The following LZTS1 variants were observed in gnomAD, a reference collection of about 807,000 sequenced individuals.
The protein encoded by LZTS1 is leucine zipper putative tumor suppressor 1.
Under a neutral mutation model 45.8 loss-of-function variants are expected in LZTS1, and 31 were observed. The ratio of observed to expected loss-of-function variants is 0.68; its 90% CI spans 0.51 to 0.91. LZTS1 has a LOEUF of 0.91. LZTS1 is among the 40% of genes least tolerant of loss of function. The pLI, the probability that LZTS1 is intolerant of heterozygous loss-of-function variation, is 0.00. For synonymous variants in LZTS1, 359 were observed against 357.3 expected (o/e 1.00, Z -0.05); for missense variants, 821 against 788.9 (o/e 1.04, Z -0.49).
At chr8:20,266,064 C>T (rs112971957) in intron 1 of LZTS1, among the ~76,000 whole-genome samples, 10,790 of 151,088 alleles carry the variant, frequency 0.071, 486 homozygotes, top group African/African-American at 0.11. Flanking sequence ...ACTCTCTTGT[C>T]CAGGCTGGAG....
intron 1 of LZTS1, among the ~76,000 whole-genome samples, chr8:20,285,380 A>G (rs1217088638): frequency 1.9e-4 from 29 of 152,200 alleles, no homozygotes; most frequent in Admixed American, 1.9e-3. Context: ...GGGCTTATCC[A>G]TAATCTCATT....
chr8:20,257,966 A>G (rs1266436493), intron 1 of LZTS1, among the ~76,000 whole-genome samples: 1 of 99,794 alleles, frequency 1.0e-5, no homozygotes, highest in South Asian at 4.2e-4. Context: ...GAGCCACCGG[A>G]CTGGGCACAT....
chr8:20,252,285 C>T (rs1252089899), intron 3 of LZTS1, among the ~76,000 whole-genome samples: 1 of 152,190 alleles, frequency 6.6e-6, no homozygotes, highest in Non-Finnish European at 1.5e-5. Flanking sequence ...AGAAGTTCCA[C>T]TTACACTTCA....
At chr8:20,256,036 C>A (rs1244072277) in intron 1 of LZTS1, among the ~76,000 whole-genome samples, 1 of 128,458 alleles carries the variant, frequency 7.8e-6, no homozygotes, top group Non-Finnish European at 1.6e-5. Flanking sequence ...AATTGTGCCA[C>A]TGCACTCCAG....
In LZTS1 at chr8:20,255,228, A is replaced by G. The variant is rs781455264; in HGVS notation, c.-47T>C. 1 of 1,568,158 alleles carries G rather than the reference A, an allele frequency of 6.4e-7. No individual in the cohort carries two copies. The highest frequency in any genetic ancestry group is 8.6e-7 in the Non-Finnish European group (1 of 1,159,798). On this transcript the variant is annotated 5_prime_UTR_variant, in exon 2 of 4. Coordinates refer to ENST00000381569, the MANE Select transcript of LZTS1 (RefSeq NM_021020.5). Reference sequence around the variant, plus strand: ...GGGCAGGGCCGGGCAGGGTCTTGGAAAGGCTGTGGCAGCAAGGGGCAGTCG... The same window carrying G: ...GGGCAGGGCCGGGCAGGGTCTTGGAGAGGCTGTGGCAGCAAGGGGCAGTCG...
In LZTS1 at chr8:20,251,142, TATATATAA is replaced by T. The variant is rs1334166778; in HGVS notation, c.1150-787_1150-780del. Among the ~76,000 whole-genome samples the T allele has an allele frequency of 4.1e-3, 447 of 110,132 alleles. 33 individuals carry two copies. The highest frequency in any genetic ancestry group is 0.013 in the Admixed American group (123 of 9,354). 72.3% of individuals were successfully genotyped at this position (110,132 alleles called of 152,430 possible). A position where few individuals can be genotyped will look rare whatever the true frequency, so the allele number is the denominator to read the frequency against. On this transcript the variant is annotated intron_variant, in intron 3 of 3. Coordinates refer to ENST00000381569, the MANE Select transcript of LZTS1 (RefSeq NM_021020.5). ...ATATATATATATATATATATATATA[TATATATAA>T]AATATAAAGTATAAGAGTAGAGATT...
intron 1 of LZTS1, among the ~76,000 whole-genome samples, chr8:20,288,173 C>T (rs1348066076): frequency 6.6e-6 from 1 of 152,174 alleles, no homozygotes; most frequent in Non-Finnish European, 1.5e-5. Context: ...CCGAGCAGAG[C>T]TTGTCTTCCC....
intron 1 of LZTS1, among the ~76,000 whole-genome samples, chr8:20,274,989 A>G (rs1800549682): frequency 1.7e-5 from 1 of 59,808 alleles, no homozygotes; most frequent in Non-Finnish European, 3.8e-5. Context: ...GTGTGTCTCA[A>G]TGGGATTACC....
At chr8:20,251,125 ATATATATATATATAT>A (rs2128891433) in intron 3 of LZTS1, among the ~76,000 whole-genome samples, 1 of 31,016 alleles carries the variant, frequency 3.2e-5, no homozygotes, top group African/African-American at 1.6e-4. Context: ...ATATATATAT[ATATATATATATATAT>A]ATATATATAA....
intron 3 of LZTS1, 26 bp from the exon 4 acceptor site, chr8:20,250,389 G>A: frequency 6.4e-7 from 1 of 1,552,934 alleles, no homozygotes; most frequent in Non-Finnish European, 8.7e-7. Flanking sequence ...TGGAGACAGA[G>A]TGCCAAGAGG....
intron 1 of LZTS1, among the ~76,000 whole-genome samples, chr8:20,303,035 G>A (rs1375808161): frequency 6.6e-6 from 1 of 152,108 alleles, no homozygotes. Flanking sequence ...TGGCTGCCTA[G>A]GGTGGCGGTG....
chr8:20,268,412 TC>T (rs981394831), intron 1 of LZTS1, among the ~76,000 whole-genome samples: 15 of 150,886 alleles, frequency 9.9e-5, no homozygotes, highest in South Asian at 2.1e-4. Context: ...CCGTTCCCCC[TC>T]CCCCCATACA....
rs188310383 is a variant in LZTS1 at position 20,254,640 on chromosome 8, C to T, written c.345+197G>A. ...AGACTTCTGCTTCAGGGGGACTGAG[C>T]GATGCTCTAATTCCTTTGTGAAACG... is the stretch of plus-strand genomic sequence containing the variant. On this transcript the variant is annotated intron_variant, in intron 2 of 3. Transcript: ENST00000381569. Among the ~76,000 whole-genome samples the T allele has an allele frequency of 2.1e-3, 322 of 152,298 alleles. 3 individuals carry two copies. Among genetic ancestry groups the T allele is most frequent in the African/African-American group, 7.6e-3 (314 of 41,564 alleles).
chr8:20,269,782 T>G (rs1800436496), intron 1 of LZTS1, among the ~76,000 whole-genome samples: 1 of 152,158 alleles, frequency 6.6e-6, no homozygotes, highest in Non-Finnish European at 1.5e-5. Flanking sequence ...GTGGGATGCC[T>G]TTGTACCTCC....
At chr8:20,292,340 C>T (rs144287083) in intron 1 of LZTS1, among the ~76,000 whole-genome samples, 3 of 152,318 alleles carry the variant, frequency 2.0e-5, no homozygotes, top group East Asian at 3.9e-4. Context: ...TATGTAGTGT[C>T]GCTCTATGGG....
chr8:20,303,799 T>C lies in LZTS1; in HGVS notation c.-194A>G, dbSNP rs1801125036. The stretch of plus-strand genomic sequence containing the variant: ...TTTTTTTTCCCAGTGTTTCCCGGTG[T>C]GTTCCCGTCTCTCTTTTTCCAGAGC... On this transcript the variant is annotated 5_prime_UTR_variant, in exon 1 of 4. Coordinates refer to ENST00000381569, the MANE Select transcript of LZTS1 (RefSeq NM_021020.5). The C allele has an allele frequency of 1.0e-6, 1 of 983,448 alleles. No individual in the cohort carries two copies. The highest frequency in any genetic ancestry group is 1.2e-6 in the Non-Finnish European group (1 of 829,570). The allele number at this position is 983,448 out of a possible 1,614,324, so 60.9% of individuals were successfully genotyped here.
At chr8:20,253,676 G>A in intron 2 of LZTS1, 91 bp from the exon 3 acceptor site, 1 of 1,044,514 alleles carries the variant, frequency 9.6e-7, no homozygotes. Flanking sequence ...CCTTGAGCCA[G>A]TCTGGGCTCT....
At chr8:20,301,352 C>T (rs1331967023) in intron 1 of LZTS1, among the ~76,000 whole-genome samples, 2 of 152,034 alleles carry the variant, frequency 1.3e-5, no homozygotes, top group Non-Finnish European at 2.9e-5. Context: ...TTATACATAC[C>T]CCGCAGGGCT....
chr8:20,252,195 T>G (rs561028049), intron 3 of LZTS1, among the ~76,000 whole-genome samples: 1 of 151,860 alleles, frequency 6.6e-6, no homozygotes, highest in South Asian at 2.1e-4. Context: ...ACCGGGTGAG[T>G]GAGTGTGTGT....
Sources: allele counts gnomAD v4.1 joint callset (sites outside exome capture counted in the v4.1 genomes callset), GRCh38; gene constraint gnomAD v4.1.1; transcripts MANE v1.5; gene names NCBI Gene and HGNC (gene_info 2026-07-23, HGNC 2026-07-21).